NFIB: variants seen among roughly 807,000 people sequenced by gnomAD.
NFIB encodes nuclear factor 1 B-type.
Under a neutral mutation model 61.5 loss-of-function variants are expected in NFIB, and 11 were observed. The observed-to-expected ratio is 0.18, with a 90% CI of 0.11 to 0.30. NFIB has a LOEUF of 0.30. Ranked by LOEUF, NFIB falls within the 10% of genes least tolerant of loss-of-function variation. The pLI is 1.00. For missense variants in NFIB, 471 were observed against 608.9 expected (o/e 0.77, Z 2.38); for synonymous variants, 260 against 216.5 (o/e 1.20, Z -1.76).
At position 14,285,327 on chromosome 9, in the gene NFIB, C is replaced by T. The variant is rs143000052; in HGVS notation, c.562+21662G>A. Among the ~76,000 whole-genome samples, 917 of 152,136 alleles carry T rather than the reference C, an allele frequency of 6.0e-3. 8 individuals carry two copies. The highest frequency in any genetic ancestry group is 0.021 in the Middle Eastern group (6 of 292). ...TAGTAGAGACAGGGTTTCACCATGT[C>T]GGCCAGGCTGGTCCCGAACTCCTGA... On this transcript the variant is annotated intron_variant, in intron 2 of 10. Coordinates refer to ENST00000380953, the MANE Select transcript of NFIB (RefSeq NM_001190737.2).
At chr9:14,095,284 T>C (rs2034597553) in intron 10 of NFIB, among the ~76,000 whole-genome samples, 1 of 152,164 alleles carries the variant, frequency 6.6e-6, no homozygotes, top group Non-Finnish European at 1.5e-5. Flanking sequence ...AAAATTATTA[T>C]GAAGATGACT....
intron 3 of NFIB, among the ~76,000 whole-genome samples, chr9:14,178,066 T>G (rs1365548715): frequency 1.3e-5 from 2 of 152,140 alleles, no homozygotes; most frequent in Non-Finnish European, 2.9e-5. Context: ...AGAAAACATA[T>G]CCGTTGTTTA....
chr9:14,329,913 G>A (rs1408055983), intron 1 of NFIB, among the ~76,000 whole-genome samples: 1 of 151,850 alleles, frequency 6.6e-6, no homozygotes, highest in African/African-American at 2.4e-5. Context: ...CACGAGGTCA[G>A]GAGATCAAGA....
intron 2 of NFIB, among the ~76,000 whole-genome samples, chr9:14,265,915 C>T (rs1202995322): frequency 6.6e-6 from 1 of 152,186 alleles, no homozygotes. Flanking sequence ...CAGCCAGCTT[C>T]AACAAGGGGA....
intron 2 of NFIB, among the ~76,000 whole-genome samples, chr9:14,305,014 C>G (rs912987818): frequency 6.6e-6 from 1 of 152,138 alleles, no homozygotes; most frequent in Non-Finnish European, 1.5e-5. Context: ...AAAGTTCTTA[C>G]AATAGAGATT....
At position 14,147,763 on chromosome 9, in the gene NFIB, T is replaced by A. The variant is rs925601447; in HGVS notation, c.807-956A>T. Reference sequence around the variant, plus strand: ...CTCAAACAATCCTCCCACCTCAGCCTCCCAAGTAGCTTGAACTATAGGTGC... The same window carrying A: ...CTCAAACAATCCTCCCACCTCAGCCACCCAAGTAGCTTGAACTATAGGTGC... On this transcript the variant is annotated intron_variant, in intron 5 of 10. Transcript: ENST00000380953. Among the ~76,000 whole-genome samples, 5 of 146,694 alleles carry A rather than the reference T, an allele frequency of 3.4e-5. No individual in the cohort carries two copies. The Admixed American group carries it at 3.5e-4, about 10-fold the overall frequency.
chr9:14,121,049 G>C (rs2038865244), intron 7 of NFIB, among the ~76,000 whole-genome samples: 1 of 152,166 alleles, frequency 6.6e-6, no homozygotes, highest in African/African-American at 2.4e-5. Context: ...GATCACCTGA[G>C]GTCAGGAGTT....
intron 1 of NFIB, among the ~76,000 whole-genome samples, chr9:14,364,703 A>G (rs2061279919): frequency 6.6e-6 from 1 of 152,250 alleles, no homozygotes; most frequent in South Asian, 2.1e-4. Context: ...TTTAAGGAAG[A>G]GCAAGGTTTG....
intron 2 of NFIB, among the ~76,000 whole-genome samples, chr9:14,285,651 G>C (rs192344644): frequency 9.9e-5 from 15 of 152,264 alleles, no homozygotes; most frequent in African/African-American, 3.4e-4. Flanking sequence ...ATTTGTGAAA[G>C]GGCAGTAAAG....
intron 1 of NFIB, among the ~76,000 whole-genome samples, chr9:14,395,169 G>T (rs771384526): frequency 3.3e-5 from 5 of 152,040 alleles, no homozygotes; most frequent in Admixed American, 6.6e-5. Context: ...CTGGCAGATT[G>T]ACTTTAAGCC....
At chr9:14,391,266 G>A (rs1223635108) in intron 1 of NFIB, among the ~76,000 whole-genome samples, 2 of 151,938 alleles carry the variant, frequency 1.3e-5, no homozygotes, top group African/African-American at 4.8e-5. Context: ...ATGATGTGAT[G>A]GACACTTTAT....
chr9:14,426,027 A>G, the NFIB span, among the ~76,000 whole-genome samples: 1 of 152,100 alleles, frequency 6.6e-6, no homozygotes, highest in Admixed American at 6.6e-5. Flanking sequence ...TTCCATCTCT[A>G]TTCAATTACT....
chr9:14,221,050 G>A (rs568563853), intron 2 of NFIB, among the ~76,000 whole-genome samples: 1 of 152,136 alleles, frequency 6.6e-6, no homozygotes, highest in East Asian at 1.9e-4. Flanking sequence ...TGCATCCTGA[G>A]GTCAAGCCAA....
intron 2 of NFIB, among the ~76,000 whole-genome samples, chr9:14,295,609 C>T (rs1179842459): frequency 6.6e-6 from 1 of 150,748 alleles, no homozygotes; most frequent in Admixed American, 6.7e-5. Flanking sequence ...CCAGCCTGGG[C>T]TACCCAGCCA....
chr9:14,514,593 T>C, the NFIB span, among the ~76,000 whole-genome samples: 1 of 152,144 alleles, frequency 6.6e-6, no homozygotes, highest in Non-Finnish European at 1.5e-5. Context: ...TAAATAATGG[T>C]ATGTTAGAGA....
At chr9:14,218,694 G>A (rs1046197366) in intron 2 of NFIB, among the ~76,000 whole-genome samples, 4 of 152,186 alleles carry the variant, frequency 2.6e-5, no homozygotes, top group African/African-American at 4.8e-5. Flanking sequence ...TTGGTTGGGG[G>A]TTTGGCATCT....
intron 3 of NFIB, among the ~76,000 whole-genome samples, chr9:14,166,721 C>G (rs2044832387): frequency 6.6e-6 from 1 of 152,166 alleles, no homozygotes; most frequent in South Asian, 2.1e-4. Flanking sequence ...CAACCCTTTT[C>G]TCATCATCTT....
chr9:14,404,338 T>C, the NFIB span, among the ~76,000 whole-genome samples: 1 of 152,194 alleles, frequency 6.6e-6, no homozygotes, highest in Non-Finnish European at 1.5e-5. Context: ...TCAGGCACTA[T>C]TCTTGGCAGT....
intron 2 of NFIB, among the ~76,000 whole-genome samples, chr9:14,184,982 C>G (rs2047186067): frequency 6.6e-6 from 1 of 152,124 alleles, no homozygotes; most frequent in South Asian, 2.1e-4. Flanking sequence ...AAGATCGGCT[C>G]ATGTATTCCA....
Sources: allele counts gnomAD v4.1 joint callset (sites outside exome capture counted in the v4.1 genomes callset), GRCh38; gene constraint gnomAD v4.1.1; transcripts MANE v1.5; gene names NCBI Gene and HGNC (gene_info 2026-07-23, HGNC 2026-07-21).